Variants in XIRP2 observed in about 807,000 individuals in gnomAD.
XIRP2 encodes xin actin-binding repeat-containing protein 2.
Under a neutral mutation model 277.0 loss-of-function variants are expected in XIRP2, and 236 were observed. That is an observed-to-expected ratio of 0.85 (90% CI 0.77 to 0.95). XIRP2 has a LOEUF of 0.95. XIRP2 is among the 40% of genes least tolerant of loss of function. XIRP2 has a pLI of 0.00. For synonymous variants in XIRP2, 1,490 were observed against 1,416.5 expected, an observed-to-expected ratio of 1.05 and a Z score of -1.17; for missense variants, 4,640 against 4,157.5, an observed-to-expected ratio of 1.12 and a Z score of -3.19.
Position 167,259,522 on chromosome 2 carries a change from C to A in XIRP2, c.*1705C>A, listed in dbSNP as rs1695785003. 1.5e-6 allele frequency: 1 copy of A among 651,270 alleles called. No homozygotes were observed. Among genetic ancestry groups the A allele is most frequent in the Non-Finnish European group, 2.4e-6 (1 of 413,574 alleles). 40.3% of individuals were successfully genotyped at this position (651,270 alleles called of 1,614,324 possible). On this transcript the variant is annotated 3_prime_UTR_variant, in exon 11 of 11. Transcript: ENST00000409195. ...TCAATGGGATATTTCTTGTATTACA[C>A]CTTGTCATTTTTTTCACAATTTATT...
chr2:166,984,403 G>A (rs941373678), intron 2 of XIRP2, among the ~76,000 whole-genome samples: 3 of 152,066 alleles, frequency 2.0e-5, no homozygotes, highest in African/African-American at 4.8e-5. Flanking sequence ...CAGAAGTCAT[G>A]TGATAAAATC....
intron 2 of XIRP2, among the ~76,000 whole-genome samples, chr2:167,132,281 G>A (rs563157855): frequency 3.9e-5 from 6 of 152,212 alleles, no homozygotes; most frequent in African/African-American, 1.4e-4. Flanking sequence ...TGCAATGTGC[G>A]AACACACTTT....
intron 2 of XIRP2, among the ~76,000 whole-genome samples, chr2:167,092,357 T>C (rs1230791933): frequency 6.6e-6 from 1 of 152,160 alleles, no homozygotes; most frequent in African/African-American, 2.4e-5. Context: ...ATTTTCATGC[T>C]TGAGGAAGAA....
chr2:167,250,591 A>C lies in XIRP2; in HGVS notation c.9199A>C (p.Ser3067Arg). The C allele has an allele frequency of 1.2e-6, 2 of 1,613,594 alleles. No homozygotes were observed. Among genetic ancestry groups the C allele is most frequent in the Non-Finnish European group, 1.7e-6 (2 of 1,179,726 alleles). Residue 3067 changes from serine (S) to arginine (R), a missense_variant, in exon 9 of 11, where the codon AGT becomes CGT. By Grantham distance (110) the Ser-to-Arg change is moderately radical (BLOSUM62 -1). Coordinates refer to ENST00000409195, the MANE Select transcript of XIRP2 (RefSeq NM_152381.6). ...TGTTCATGTCAGCAATAATAAAAAT[A>C]GTGAACAGAAAGAAAATAAAATTGC... ...SNVHVSNNKN[S>R]EQKENKIAKE... is the part of the protein sequence containing the mutation.
intron 2 of XIRP2, among the ~76,000 whole-genome samples, chr2:167,108,059 A>T (rs1315010354): frequency 6.6e-6 from 1 of 151,826 alleles, no homozygotes; most frequent in African/African-American, 2.4e-5. Flanking sequence ...AAACTATTTC[A>T]TATTGAATAC....
chr2:167,216,941 T>G (rs996798399), intron 4 of XIRP2, among the ~76,000 whole-genome samples: 1 of 136,102 alleles, frequency 7.3e-6, no homozygotes, highest in Non-Finnish European at 1.5e-5. Flanking sequence ...CACCATGGAA[T>G]ACTATGCAGC....
At chr2:167,138,214 T>G (rs1411806439) in intron 3 of XIRP2, among the ~76,000 whole-genome samples, 1 of 152,200 alleles carries the variant, frequency 6.6e-6, no homozygotes, top group Non-Finnish European at 1.5e-5. Context: ...TGTAGTAATA[T>G]GAAAAACAGT....
At chr2:167,096,471 C>G (rs13413772) in intron 2 of XIRP2, among the ~76,000 whole-genome samples, 3 of 152,020 alleles carry the variant, frequency 2.0e-5, no homozygotes, top group Non-Finnish European at 4.4e-5. Flanking sequence ...AGTGGTCTAT[C>G]TATTTTGCCA....
rs545775580 is a variant in XIRP2 at position 167,227,550 on chromosome 2, GT to G, written c.858+9256del. On this transcript the variant is annotated intron_variant, in intron 5 of 10. Coordinates refer to ENST00000409195, the MANE Select transcript of XIRP2 (RefSeq NM_152381.6). ...ACCCCATCTCTACAAAAGAAAAAAT[GT>G]TTTTTAATTAGCCAAGCATGGTGGC... Among the ~76,000 whole-genome samples the G allele has an allele frequency of 5.9e-5, 9 of 151,914 alleles. 1 individual carries two copies. The South Asian group carries it at 1.7e-3, about 28-fold the overall frequency.
chr2:167,242,660 C>T lies in XIRP2; in HGVS notation c.1268C>T (p.Thr423Ile). The change falls in exon 9 of 11, where the codon ACA (threonine) becomes ATA (isoleucine). Residue 423 changes from threonine (T) to isoleucine (I), a missense_variant. Transcript: ENST00000409195. ...GTTTCAACCAGCCAGAGGAAGGAAACATCAACTACAAGATATAGTGATCAC... is the reference window on the plus strand; with the variant it reads ...GTTTCAACCAGCCAGAGGAAGGAAATATCAACTACAAGATATAGTGATCAC... Reference protein sequence around the residue: ...SCVSTSQRKETSTTRYSDHSV... With the variant: ...SCVSTSQRKEISTTRYSDHSV... 1.2e-6 allele frequency: 2 copies of T among 1,614,102 alleles called. No homozygotes were observed. The highest frequency in any genetic ancestry group is 1.3e-5 in the African/African-American group (1 of 75,048).
At chr2:167,117,782 T>C (rs1690936549) in intron 2 of XIRP2, among the ~76,000 whole-genome samples, 1 of 152,264 alleles carries the variant, frequency 6.6e-6, no homozygotes, top group African/African-American at 2.4e-5. Flanking sequence ...TTTAAAATTT[T>C]ATCATTAAGA....
At chr2:167,229,762 A>G (rs1446252945) in intron 5 of XIRP2, among the ~76,000 whole-genome samples, 16 of 152,130 alleles carry the variant, frequency 1.1e-4, no homozygotes, top group Non-Finnish European at 2.9e-5. Context: ...CAAGGCTTGA[A>G]AAAAGTAAGA....
chr2:166,930,940 G>T (rs574332579), intron 2 of XIRP2, among the ~76,000 whole-genome samples: 1 of 152,128 alleles, frequency 6.6e-6, no homozygotes, highest in Non-Finnish European at 1.5e-5. Flanking sequence ...TAGTTTTTAT[G>T]TACAAATATG....
chr2:167,042,232 AAC>A (rs1688675862), intron 2 of XIRP2, among the ~76,000 whole-genome samples: 2 of 152,268 alleles, frequency 1.3e-5, no homozygotes, highest in African/African-American at 2.4e-5. Flanking sequence ...TCACCACAAA[AAC>A]ACACTTAAGT....
rs117894922 is a variant in XIRP2 at position 167,257,556 on chromosome 2, T to C, written c.*40-301T>C. On this transcript the variant is annotated intron_variant, in intron 10 of 10. Transcript: ENST00000409195. ...AAATTACAACGCCTCACATAAATCA[T>C]TGAATTAGCACAAGTTCAGTCCTAT... is the stretch of plus-strand genomic sequence containing the variant. Among the ~76,000 whole-genome samples the C allele has an allele frequency of 3.3e-3, 500 of 152,136 alleles. 22 individuals are homozygous for C. In the East Asian group the frequency reaches 0.067, roughly 20 times the overall value.
At chr2:167,228,082 A>G (rs1694657479) in intron 5 of XIRP2, among the ~76,000 whole-genome samples, 1 of 152,190 alleles carries the variant, frequency 6.6e-6, no homozygotes, top group Non-Finnish European at 1.5e-5. Context: ...TCTTAACATA[A>G]CTAAACCACT....
At chr2:166,929,915 A>G (rs1046107493) in intron 2 of XIRP2, among the ~76,000 whole-genome samples, 1 of 152,168 alleles carries the variant, frequency 6.6e-6, no homozygotes, top group Non-Finnish European at 1.5e-5. Context: ...ATATGTAGAT[A>G]GCTCATCTTC....
chr2:167,003,414 C>T (rs1574151542), intron 2 of XIRP2, among the ~76,000 whole-genome samples: 1 of 151,738 alleles, frequency 6.6e-6, no homozygotes, highest in African/African-American at 2.4e-5. Flanking sequence ...GGGTTAGAAA[C>T]CTTCAAAGAA....
intron 3 of XIRP2, among the ~76,000 whole-genome samples, chr2:167,196,533 G>A (rs894552557): frequency 5.3e-5 from 8 of 151,784 alleles, no homozygotes; most frequent in South Asian, 2.1e-4. Flanking sequence ...TTTAAAGAAC[G>A]ACACAGAGAG....
Sources: gnomAD v4.1 joint callset for allele counts (sites outside exome capture counted in the v4.1 genomes callset) on GRCh38, gnomAD v4.1.1 for gene constraint, MANE v1.5 for transcripts, NCBI Gene and HGNC (gene_info 2026-07-23, HGNC 2026-07-21) for gene names.